Variants in ITGBL1 observed in about 807,000 individuals in gnomAD.
ITGBL1 encodes integrin beta-like protein 1.
In ITGBL1, 51 loss-of-function variants were observed where a neutral mutation model predicts 68.5. That is an observed-to-expected ratio of 0.74 (90% CI 0.59 to 0.94). The LOEUF is 0.94. Among genes scored for constraint, ITGBL1 ranks in the 40% least tolerant of loss-of-function variants. The pLI is 0.00. For synonymous variants in ITGBL1, 209 were observed against 227.3 expected (o/e 0.92, Z 0.72); for missense variants, 649 against 647.4 (o/e 1.00, Z -0.03).
At chr13:101,720,554 GTGTGTGTGTGTATA>G (rs1247680234), downstream of ITGBL1, 16 of 150,844 alleles carry the variant, frequency 1.1e-4, no homozygotes, top group Non-Finnish European at 1.5e-5. Flanking sequence ...GTGTGTGTGT[GTGTGTGTGTGTATA>G]TGTGTGTGTT....
intron 7 of ITGBL1, among the ~76,000 whole-genome samples, chr13:101,659,515 G>T (rs1201753355): frequency 6.8e-6 from 1 of 147,184 alleles, no homozygotes; most frequent in Non-Finnish European, 1.5e-5. Context: ...GTATACATTT[G>T]AATTATTCCT....
chr13:101,472,151 T>TC (rs2048469958), intron 2 of ITGBL1, among the ~76,000 whole-genome samples: 1 of 152,192 alleles, frequency 6.6e-6, no homozygotes, highest in South Asian at 2.1e-4. Context: ...AATTTTCATG[T>TC]CCCTTCACAA....
At chr13:101,484,590 A>G (rs9557674) in intron 2 of ITGBL1, among the ~76,000 whole-genome samples, 37,632 of 151,960 alleles carry the variant, frequency 0.25, 5,294 homozygotes, top group East Asian at 0.52. Flanking sequence ...ACAGAAAAAT[A>G]TTTTTATTTG....
intron 7 of ITGBL1, among the ~76,000 whole-genome samples, chr13:101,654,119 A>T (rs916401985): frequency 1.3e-5 from 2 of 152,070 alleles, no homozygotes; most frequent in Non-Finnish European, 2.9e-5. Context: ...AAAAAATGCC[A>T]AGTTTGCCGA....
At chr13:101,622,919 G>GTC (rs1270709660) in intron 7 of ITGBL1, among the ~76,000 whole-genome samples, 8 of 151,108 alleles carry the variant, frequency 5.3e-5, no homozygotes, top group South Asian at 2.1e-4. Context: ...GTATGTATGT[G>GTC]TGTGTGTGTG....
intron 7 of ITGBL1, among the ~76,000 whole-genome samples, chr13:101,612,419 A>T (rs1287426093): frequency 6.6e-6 from 1 of 152,206 alleles, no homozygotes; most frequent in African/African-American, 2.4e-5. Flanking sequence ...ATAAGAAAAT[A>T]TGGAGTATGT....
chr13:101,605,702 T>G (rs1226361182), intron 7 of ITGBL1, among the ~76,000 whole-genome samples: 2 of 151,408 alleles, frequency 1.3e-5, no homozygotes, highest in Non-Finnish European at 3.0e-5. Flanking sequence ...GTATGTAGAC[T>G]TATGTATGTG....
intron 3 of ITGBL1, among the ~76,000 whole-genome samples, chr13:101,572,251 G>T (rs568858531): frequency 6.6e-6 from 1 of 151,988 alleles, no homozygotes; most frequent in South Asian, 2.1e-4. Context: ...ATATCACAGT[G>T]TGGTTTTCTG....
intron 2 of ITGBL1, among the ~76,000 whole-genome samples, chr13:101,502,213 A>C (rs1415159337): frequency 6.6e-6 from 1 of 152,154 alleles, no homozygotes; most frequent in Admixed American, 6.5e-5. Flanking sequence ...AATTTAAAAC[A>C]TTTGCTTCGT....
Position 101,575,690 on chromosome 13 carries a change from A to G in ITGBL1, c.586+144A>G. 1.1e-5 allele frequency: 9 copies of G among 813,962 alleles called. No individual in the cohort carries two copies. The South Asian group carries it at 1.5e-4, about 14-fold the overall frequency. The allele number at this position is 813,962 out of a possible 1,614,324, so 50.4% of individuals were successfully genotyped here. A position where few individuals can be genotyped will look rare whatever the true frequency, so the allele number is the denominator to read the frequency against. On this transcript the variant is annotated intron_variant, in intron 4 of 10. Transcript: ENST00000376180. ...GTTTATCTGGAAAACATTTCACATA[A>G]GGAGAGTGAGACTATGGCATTAAGA...
At chr13:101,467,318 C>T (rs973193405) in intron 2 of ITGBL1, among the ~76,000 whole-genome samples, 6 of 152,220 alleles carry the variant, frequency 3.9e-5, no homozygotes, top group Admixed American at 1.3e-4. Flanking sequence ...GCTTCCAAAC[C>T]TGGTCTGAGA....
chr13:101,614,299 A>G (rs762447651), intron 7 of ITGBL1, among the ~76,000 whole-genome samples: 1 of 152,144 alleles, frequency 6.6e-6, no homozygotes, highest in Non-Finnish European at 1.5e-5. Flanking sequence ...GGAGGAATGT[A>G]TTTAGCCACT....
intron 7 of ITGBL1, among the ~76,000 whole-genome samples, chr13:101,665,951 T>C (rs970729375): frequency 2.8e-4 from 42 of 152,188 alleles, no homozygotes; most frequent in Non-Finnish European, 3.2e-4. Context: ...GGCTTTGTTA[T>C]TGATCCTTGT....
At chr13:101,612,447 C>A (rs2031178225) in intron 7 of ITGBL1, among the ~76,000 whole-genome samples, 6 of 152,120 alleles carry the variant, frequency 3.9e-5, no homozygotes, top group Admixed American at 3.9e-4. Flanking sequence ...GGTAAAGTCT[C>A]TCCTACTGCT....
intron 7 of ITGBL1, among the ~76,000 whole-genome samples, chr13:101,641,686 A>T (rs936786534): frequency 6.7e-6 from 1 of 150,016 alleles, no homozygotes; most frequent in African/African-American, 2.5e-5. Flanking sequence ...AACATTCGGT[A>T]TATCTCCTAA....
chr13:101,692,517 A>G (rs981073), intron 7 of ITGBL1, 68 bp from the exon 8 acceptor site: 806,470 of 1,012,190 alleles, frequency 0.8, 323,266 homozygotes, highest in East Asian at 0.96. Context: ...TAGTGTGCTC[A>G]CCTCCTTGAA....
intron 2 of ITGBL1, among the ~76,000 whole-genome samples, chr13:101,484,910 A>G (rs945376831): frequency 6.6e-6 from 1 of 152,166 alleles, no homozygotes; most frequent in African/African-American, 2.4e-5. Context: ...AAATCTGAAG[A>G]CACTACACTG....
chr13:101,598,173 G>T lies in ITGBL1; in HGVS notation c.889G>T (p.Gly297Ter). Residue 297 changes from glycine (G) to a stop codon, truncating the protein, a stop_gained, in exon 7 of 11, where the codon GGA becomes TGA. Transcript: ENST00000376180. LOFTEE classifies it high-confidence loss of function. Reference protein sequence around the residue: ...FCSGHGQCNCGRCDCKAGWYG... With the variant: ...FCSGHGQCNC ...TGAAGGTCATGGACAGTGTAATTGC[G>T]GAAGATGTGACTGCAAAGCAGGCTG... The T allele has an allele frequency of 6.2e-7, 1 of 1,613,178 alleles. No homozygotes were observed.
intron 2 of ITGBL1, among the ~76,000 whole-genome samples, chr13:101,474,123 A>G (rs2139648019): frequency 6.6e-6 from 1 of 152,302 alleles, no homozygotes; most frequent in Admixed American, 6.5e-5. Flanking sequence ...AGTGGGTTAG[A>G]GGATCAAGTG....
Sources: gnomAD v4.1 joint callset for allele counts (sites outside exome capture counted in the v4.1 genomes callset) on GRCh38, gnomAD v4.1.1 for gene constraint, MANE v1.5 for transcripts, NCBI Gene and HGNC (gene_info 2026-07-23, HGNC 2026-07-21) for gene names.